KLF12: variants seen among roughly 807,000 people sequenced by gnomAD.
KLF12 encodes the protein Krueppel-like factor 12.
A neutral mutation model predicts 37.8 loss-of-function variants in KLF12; 9 were observed. The observed-to-expected ratio is 0.24, with a 90% CI of 0.14 to 0.42. KLF12 has a LOEUF of 0.42. Ranked by LOEUF, KLF12 falls within the 10% of genes least tolerant of loss-of-function variation. The pLI is 1.00. For missense variants in KLF12, 411 were observed against 516.0 expected (o/e 0.80, Z 1.97); for synonymous variants, 208 against 202.1 (o/e 1.03, Z -0.25).
At chr13:74,291,592 C>T in the KLF12 span, among the ~76,000 whole-genome samples, 1 of 152,174 alleles carries the variant, frequency 6.6e-6, no homozygotes, top group Non-Finnish European at 1.5e-5. Flanking sequence ...TTAAATGCTC[C>T]AGTGAGAAGG....
At chr13:73,717,495 T>C (rs1282756522) in intron 6 of KLF12, among the ~76,000 whole-genome samples, 1 of 152,194 alleles carries the variant, frequency 6.6e-6, no homozygotes, top group African/African-American at 2.4e-5. Flanking sequence ...TTTCTGAAAG[T>C]CTCTTTCTGC....
the KLF12 span, among the ~76,000 whole-genome samples, chr13:74,188,094 C>T: frequency 4.6e-5 from 7 of 151,434 alleles, no homozygotes; most frequent in South Asian, 2.1e-4. Context: ...ATTATAAGGC[C>T]GGGGAGTCTA....
chr13:73,860,616 C>T (rs1037801217), intron 3 of KLF12, among the ~76,000 whole-genome samples: 1 of 152,034 alleles, frequency 6.6e-6, no homozygotes, highest in Non-Finnish European at 1.5e-5. Context: ...TGGTGGTGCA[C>T]ACCTGTAGTC....
At chr13:74,110,693 C>A (rs537421419) in intron 1 of KLF12, among the ~76,000 whole-genome samples, 1 of 152,240 alleles carries the variant, frequency 6.6e-6, no homozygotes, top group East Asian at 1.9e-4. Flanking sequence ...AATCATATCA[C>A]AGCTGGTTGG....
At chr13:73,695,970 A>T (rs1270985233) in intron 7 of KLF12, among the ~76,000 whole-genome samples, 1 of 152,198 alleles carries the variant, frequency 6.6e-6, no homozygotes, top group African/African-American at 2.4e-5. Context: ...CTAGTAGACT[A>T]AAAAGAAATT....
chr13:73,871,341 A>C (rs1886454376), intron 3 of KLF12, among the ~76,000 whole-genome samples: 1 of 152,230 alleles, frequency 6.6e-6, no homozygotes, highest in South Asian at 2.1e-4. Context: ...CTCTTCAATG[A>C]ATAAGCGAGC....
intron 5 of KLF12, among the ~76,000 whole-genome samples, chr13:73,794,946 A>T (rs1881878947): frequency 6.6e-6 from 1 of 152,186 alleles, no homozygotes; most frequent in African/African-American, 2.4e-5. Flanking sequence ...TAGTCTTAAA[A>T]TGAAACAAGG....
chr13:74,036,382 A>G (rs945668821), intron 1 of KLF12, among the ~76,000 whole-genome samples: 2 of 152,106 alleles, frequency 1.3e-5, no homozygotes, highest in African/African-American at 4.8e-5. Context: ...GCTATGTACC[A>G]AAAAAATGAA....
rs576284985 is a variant in KLF12, at chr13:73,860,110, T to C, written c.124-13737A>G. Among the ~76,000 whole-genome samples the C allele has an allele frequency of 2.0e-5, 3 of 152,306 alleles. No homozygotes were observed. The East Asian group carries it at 5.8e-4, about 29-fold the overall frequency. On this transcript the variant is annotated intron_variant, in intron 3 of 7. Transcript: ENST00000377669. ...GTTCCGGTCTGGGTTGCGTTTTATA[T>C]GATCAGTTCACTCATTGTCTCTCTT...
chr13:74,084,774 T>C (rs931646008), intron 1 of KLF12, among the ~76,000 whole-genome samples: 3 of 151,784 alleles, frequency 2.0e-5, no homozygotes, highest in Non-Finnish European at 2.9e-5. Flanking sequence ...GGGAATTTTA[T>C]CTACTCCATC....
At chr13:74,017,236 G>A (rs1398280788) in intron 1 of KLF12, among the ~76,000 whole-genome samples, 11 of 42,172 alleles carry the variant, frequency 2.6e-4, no homozygotes, top group African/African-American at 9.5e-4. Context: ...AAAAATGAGC[G>A]AATAAATAAG....
chr13:73,768,858 C>T (rs766052194), intron 5 of KLF12, among the ~76,000 whole-genome samples: 7 of 152,134 alleles, frequency 4.6e-5, no homozygotes, highest in Non-Finnish European at 1.0e-4. Context: ...TACGTCTGAC[C>T]TGTCTGACCT....
chr13:73,701,470 T>C (rs1349157811), intron 7 of KLF12, among the ~76,000 whole-genome samples: 1 of 152,254 alleles, frequency 6.6e-6, no homozygotes, highest in African/African-American at 2.4e-5. Flanking sequence ...TCAACCTCTT[T>C]TGACAATAGT....
At chr13:74,078,005 C>T (rs1874662288) in intron 1 of KLF12, among the ~76,000 whole-genome samples, 1 of 152,164 alleles carries the variant, frequency 6.6e-6, no homozygotes, top group Non-Finnish European at 1.5e-5. Context: ...CTTTCATCTG[C>T]CTTTTAGACC....
At chr13:74,069,653 A>G (rs1165327313) in intron 1 of KLF12, among the ~76,000 whole-genome samples, 3 of 152,242 alleles carry the variant, frequency 2.0e-5, no homozygotes, top group Non-Finnish European at 2.9e-5. Context: ...TTAGCATAGT[A>G]TCTTTTCCAA....
rs1030055444 is a variant in KLF12 at position 73,724,228 on chromosome 13, T to G, written c.870-8703A>C. Among the ~76,000 whole-genome samples the G allele has an allele frequency of 4.6e-4, 70 of 152,228 alleles. 4 individuals are homozygous for G. ...ATGCAGCCATAAAAAAATGAGTTAA[T>G]GTCCTTTGCAGGGACATGGGTGAAG... On this transcript the variant is annotated intron_variant, in intron 6 of 7. Transcript: ENST00000377669.
At chr13:73,793,173 T>C (rs1392315050) in intron 5 of KLF12, among the ~76,000 whole-genome samples, 1 of 152,202 alleles carries the variant, frequency 6.6e-6, no homozygotes, top group African/African-American at 2.4e-5. Context: ...ACAGGCATTG[T>C]GCTAAGTTCT....
At chr13:74,218,082 A>G in the KLF12 span, among the ~76,000 whole-genome samples, 1 of 152,198 alleles carries the variant, frequency 6.6e-6, no homozygotes, top group Non-Finnish European at 1.5e-5. Flanking sequence ...ACCAGGTTTT[A>G]TTATACTTGC....
chr13:73,765,015 G>C lies in KLF12; in HGVS notation c.807-15C>G. On this transcript the variant is annotated splice_polypyrimidine_tract_variant and intron_variant, in intron 5 of 7. Transcript: ENST00000377669. Reference sequence around the variant, plus strand: ...ACGGATGTACCCTGTAGACAGAGAAGAATAATCCAGTCATTGAAAAAGCAT... The same window carrying C: ...ACGGATGTACCCTGTAGACAGAGAACAATAATCCAGTCATTGAAAAAGCAT... The C allele has an allele frequency of 6.9e-7, 1 of 1,456,380 alleles. No individual in the cohort carries two copies. Among genetic ancestry groups the C allele is most frequent in the Non-Finnish European group, 9.5e-7 (1 of 1,056,420 alleles). The allele number at this position is 1,456,380 out of a possible 1,614,324, so 90.2% of individuals were successfully genotyped here. A position where few individuals can be genotyped will look rare whatever the true frequency, so the allele number is the denominator to read the frequency against.
Sources: gnomAD v4.1 joint callset for allele counts (sites outside exome capture counted in the v4.1 genomes callset) on GRCh38, gnomAD v4.1.1 for gene constraint, MANE v1.5 for transcripts, NCBI Gene and HGNC (gene_info 2026-07-23, HGNC 2026-07-21) for gene names.